Variants in TMEM30A observed in about 807,000 individuals in gnomAD.
TMEM30A encodes the protein cell cycle control protein 50A.
Under a neutral mutation model 38.2 loss-of-function variants are expected in TMEM30A, and 24 were observed. That is an observed-to-expected ratio of 0.63 (90% CI 0.46 to 0.88). The LOEUF is 0.88. Ranked by LOEUF, TMEM30A falls within the 40% of genes least tolerant of loss-of-function variation. The probability of loss-of-function intolerance (pLI) is 0.00; values close to 1 mark genes in which losing one functional copy is unlikely to be tolerated. For synonymous variants in TMEM30A, 145 were observed against 161.6 expected (o/e 0.90, Z 0.78); for missense variants, 370 against 458.6 (o/e 0.81, Z 1.77).
chr6:75,267,827 A>G, intron 1 of TMEM30A, 79 bp from the exon 2 acceptor site: 3 of 874,014 alleles, frequency 3.4e-6, no homozygotes, highest in Non-Finnish European at 5.2e-6. Flanking sequence ...TTGCTATTAA[A>G]AGGAAAATTA....
intron 6 of TMEM30A, among the ~76,000 whole-genome samples, chr6:75,258,218 T>C (rs1426163949): frequency 6.6e-6 from 1 of 152,194 alleles, no homozygotes; most frequent in Non-Finnish European, 1.5e-5. Context: ...AATTAAGTAA[T>C]GAGCGGAAAA....
chr6:75,265,096 CG>C (rs201790806), intron 3 of TMEM30A, 134 bp downstream of exon 3: 3 of 523,104 alleles, frequency 5.7e-6, no homozygotes, highest in Non-Finnish European at 9.5e-6. Flanking sequence ...GACTCCATCT[CG>C]GGGGGAAAAA....
chr6:75,268,182 A>G (rs1772099786), intron 1 of TMEM30A, among the ~76,000 whole-genome samples: 1 of 152,094 alleles, frequency 6.6e-6, no homozygotes. Flanking sequence ...GGTTACCAAG[A>G]GCTACTGTTT....
chr6:75,258,793 C>A lies in TMEM30A; in HGVS notation c.879G>T (p.Leu293Phe). The A allele has an allele frequency of 6.2e-7, 1 of 1,613,734 alleles. No individual in the cohort carries two copies. The highest frequency in any genetic ancestry group is 1.1e-5 in the South Asian group (1 of 91,048). ...AAAAAAGGATACTGTATGTGACATT[C>A]AAAGAGTATCGGCCAGCTGGTAATG... ...HPTLPAGRYSLNVTYNYPVHY... is the reference protein window; with the variant it reads ...HPTLPAGRYSFNVTYNYPVHY... The change falls in exon 6 of 7, where the codon TTG (leucine) becomes TTT (phenylalanine). Residue 293 changes from leucine (L) to phenylalanine (F), a missense_variant. Leu to Phe is a conservative substitution (Grantham distance 22). Transcript: ENST00000230461.
intron 6 of TMEM30A, 55 bp from the exon 7 acceptor site, chr6:75,256,350 C>G: frequency 2.0e-6 from 3 of 1,478,084 alleles, no homozygotes; most frequent in Non-Finnish European, 2.8e-6. Flanking sequence ...GTTTAAAATA[C>G]AATTTTAAAA....
At chr6:75,265,366 T>C (rs754801375) in intron 2 of TMEM30A, 28 bp from the exon 3 acceptor site, 98 of 1,395,320 alleles carry the variant, frequency 7.0e-5, no homozygotes, top group Non-Finnish European at 9.0e-5. Flanking sequence ...GAAAAAATTT[T>C]CATATAAAAA....
At chr6:75,282,565 TC>T (rs1261039837) in intron 1 of TMEM30A, among the ~76,000 whole-genome samples, 1 of 152,212 alleles carries the variant, frequency 6.6e-6, no homozygotes, top group Non-Finnish European at 1.5e-5. Context: ...ATTATTTTCT[TC>T]TACTTTACTA....
At chr6:75,266,770 A>C (rs1490285273) in intron 2 of TMEM30A, among the ~76,000 whole-genome samples, 1 of 152,206 alleles carries the variant, frequency 6.6e-6, no homozygotes, top group Non-Finnish European at 1.5e-5. Context: ...GGACTTGTAA[A>C]GATACTTTAA....
At chr6:75,268,012 T>C (rs1260984856) in intron 1 of TMEM30A, among the ~76,000 whole-genome samples, 1 of 152,198 alleles carries the variant, frequency 6.6e-6, no homozygotes, top group South Asian at 2.1e-4. Flanking sequence ...AAATCATACA[T>C]ACAAAATTCA....
At chr6:75,263,519 T>C (rs1234200161) in intron 3 of TMEM30A, among the ~76,000 whole-genome samples, 2 of 152,124 alleles carry the variant, frequency 1.3e-5, no homozygotes, top group Non-Finnish European at 2.9e-5. Context: ...GAAGTAAATA[T>C]GTAAAGAAGC....
intron 3 of TMEM30A, 78 bp from the exon 4 acceptor site, chr6:75,260,989 G>C (rs1369530357): frequency 1.0e-6 from 1 of 954,752 alleles, no homozygotes; most frequent in Non-Finnish European, 1.6e-6. Context: ...CTAAATTACT[G>C]ATTAAGAATT....
intron 1 of TMEM30A, among the ~76,000 whole-genome samples, chr6:75,277,731 C>A (rs1352609795): frequency 6.6e-6 from 1 of 152,052 alleles, no homozygotes; most frequent in Non-Finnish European, 1.5e-5. Flanking sequence ...CAAGCGAGAC[C>A]CCCATCTCTA....
chr6:75,269,991 C>A (rs56840977), intron 1 of TMEM30A, among the ~76,000 whole-genome samples: 18 of 152,254 alleles, frequency 1.2e-4, no homozygotes, highest in African/African-American at 4.3e-4. Flanking sequence ...CCGCGCCCGG[C>A]CCCATTATTT....
chr6:75,281,757 A>G (rs950958473), intron 1 of TMEM30A, among the ~76,000 whole-genome samples: 4 of 152,292 alleles, frequency 2.6e-5, no homozygotes, highest in African/African-American at 9.6e-5. Flanking sequence ...TAAAATAGCA[A>G]TGAAGGTTTT....
At chr6:75,284,035 GC>G in intron 1 of TMEM30A, among the ~76,000 whole-genome samples, 1 of 122,642 alleles carries the variant, frequency 8.2e-6, no homozygotes, top group South Asian at 2.6e-4. Context: ...ATTGCCCCCC[GC>G]CCCCACTTCT....
intron 1 of TMEM30A, among the ~76,000 whole-genome samples, chr6:75,276,686 G>A (rs1453786270): frequency 1.3e-5 from 2 of 152,198 alleles, no homozygotes; most frequent in Non-Finnish European, 2.9e-5. Context: ...AGGCCAGAGT[G>A]ATTCTTTTTA....
chr6:75,264,907 C>T (rs961581316), intron 3 of TMEM30A, among the ~76,000 whole-genome samples: 2 of 152,112 alleles, frequency 1.3e-5, no homozygotes, highest in African/African-American at 4.8e-5. Context: ...TGAAAGCAGA[C>T]TGGCCAACAT....
At chr6:75,264,831 G>T (rs1772039108) in intron 3 of TMEM30A, among the ~76,000 whole-genome samples, 1 of 152,090 alleles carries the variant, frequency 6.6e-6, no homozygotes, top group Non-Finnish European at 1.5e-5. Context: ...GCCAGGCATG[G>T]TGGCTCATGC....
chr6:75,262,266 G>C (rs1369630371), intron 3 of TMEM30A, among the ~76,000 whole-genome samples: 1 of 152,158 alleles, frequency 6.6e-6, no homozygotes, highest in Non-Finnish European at 1.5e-5. Flanking sequence ...TGGTTTGCTT[G>C]AGTCCAGGAA....
Sources: gnomAD v4.1 joint callset for allele counts (sites outside exome capture counted in the v4.1 genomes callset) on GRCh38, gnomAD v4.1.1 for gene constraint, MANE v1.5 for transcripts, NCBI Gene and HGNC (gene_info 2026-07-23, HGNC 2026-07-21) for gene names.